Variants in PARD3B observed in about 807,000 individuals in gnomAD.
The protein encoded by PARD3B is partitioning defective 3 homolog B.
A neutral mutation model predicts 130.2 loss-of-function variants in PARD3B; 103 were observed. That is an observed-to-expected ratio of 0.79 (90% CI 0.67 to 0.93). The LOEUF is 0.93. PARD3B is among the 40% of genes least tolerant of loss of function. PARD3B has a pLI of 0.00. For missense variants in PARD3B, 1,609 were observed against 1,499.2 expected, an observed-to-expected ratio of 1.07 and a Z score of -1.21; for synonymous variants, 583 against 553.2, an observed-to-expected ratio of 1.05 and a Z score of -0.76.
chr2:205,442,977 G>T (rs1399637913), intron 20 of PARD3B, among the ~76,000 whole-genome samples: 1 of 152,132 alleles, frequency 6.6e-6, no homozygotes, highest in South Asian at 2.1e-4. Flanking sequence ...TTGGATAGCA[G>T]ATCAAAATGT....
intron 10 of PARD3B, among the ~76,000 whole-genome samples, chr2:205,150,779 C>G (rs762396082): frequency 6.6e-6 from 1 of 152,030 alleles, no homozygotes; most frequent in Non-Finnish European, 1.5e-5. Flanking sequence ...CACAAGGATA[C>G]AGTATAGTAT....
intron 2 of PARD3B, among the ~76,000 whole-genome samples, chr2:204,763,056 G>A (rs144315708): frequency 1.2e-4 from 18 of 152,166 alleles, no homozygotes; most frequent in African/African-American, 2.4e-4. Flanking sequence ...CACTGCGCCC[G>A]GCCTTGTTCG....
intron 19 of PARD3B, among the ~76,000 whole-genome samples, chr2:205,419,532 CA>C (rs2046894887): frequency 6.6e-6 from 1 of 152,044 alleles, no homozygotes; most frequent in Admixed American, 6.5e-5. Context: ...CTAGGGTGAC[CA>C]AAGGTCAGTT....
chr2:205,611,521 A>G (rs1039596455), intron 22 of PARD3B, among the ~76,000 whole-genome samples: 5 of 152,202 alleles, frequency 3.3e-5, no homozygotes, highest in African/African-American at 9.7e-5. Flanking sequence ...AATAACATAT[A>G]TCTTTGTCGT....
In PARD3B at chr2:204,651,784, T is replaced by G. The variant is rs4591325; in HGVS notation, c.121-34397T>G. On this transcript the variant is annotated intron_variant, in intron 1 of 22. Transcript: ENST00000406610. ...TCTGCCTTAACATCCAGGCATTTCCTTACATTATCTGAAATCTAGGCAGAG... is the reference window on the plus strand; with the variant it reads ...TCTGCCTTAACATCCAGGCATTTCCGTACATTATCTGAAATCTAGGCAGAG... 7.2e-5 allele frequency among the ~76,000 whole-genome samples: 11 copies of G among 152,196 alleles called. No homozygotes were observed. The East Asian group carries it at 2.1e-3, about 30-fold the overall frequency.
chr2:204,872,210 T>C (rs902219633), intron 2 of PARD3B, among the ~76,000 whole-genome samples: 4 of 152,054 alleles, frequency 2.6e-5, no homozygotes, highest in Admixed American at 2.6e-4. Flanking sequence ...ATGGCAATTG[T>C]TTTAGGACTT....
chr2:204,600,044 C>G (rs1229025403), intron 1 of PARD3B, among the ~76,000 whole-genome samples: 1 of 150,840 alleles, frequency 6.6e-6, no homozygotes, highest in African/African-American at 2.4e-5. Context: ...TTTTTTTTTG[C>G]TATTGAGCTC....
chr2:204,685,490 G>A (rs546766292), intron 1 of PARD3B, among the ~76,000 whole-genome samples: 8 of 152,224 alleles, frequency 5.3e-5, no homozygotes, highest in African/African-American at 1.7e-4. Flanking sequence ...CAGAGTAAGC[G>A]GTTTTTAAAA....
chr2:205,436,581 T>A (rs1048039214), intron 19 of PARD3B, among the ~76,000 whole-genome samples: 18 of 152,240 alleles, frequency 1.2e-4, no homozygotes, highest in African/African-American at 3.1e-4. Context: ...AAGTTTTTTT[T>A]AATTTTCTTT....
intron 21 of PARD3B, among the ~76,000 whole-genome samples, chr2:205,552,723 G>A (rs904878515): frequency 6.6e-6 from 1 of 152,042 alleles, no homozygotes; most frequent in Non-Finnish European, 1.5e-5. Flanking sequence ...CAGAAACGGT[G>A]CTTTTAAAAA....
At chr2:204,590,251 A>G (rs1032345465) in intron 1 of PARD3B, among the ~76,000 whole-genome samples, 1 of 152,136 alleles carries the variant, frequency 6.6e-6, no homozygotes, top group African/African-American at 2.4e-5. Flanking sequence ...CTCTTTTATA[A>G]GGGCACTAAT....
At chr2:204,892,002 G>A (rs566636912) in intron 2 of PARD3B, among the ~76,000 whole-genome samples, 2 of 152,178 alleles carry the variant, frequency 1.3e-5, no homozygotes, top group Non-Finnish European at 2.9e-5. Flanking sequence ...TAACACATAT[G>A]TATTGAGTGC....
chr2:205,607,835 CA>C (rs67298603), intron 22 of PARD3B, among the ~76,000 whole-genome samples: 9,444 of 84,994 alleles, frequency 0.11, 950 homozygotes, highest in African/African-American at 0.27. Context: ...CACCCATACA[CA>C]CACACACACA....
intron 18 of PARD3B, among the ~76,000 whole-genome samples, chr2:205,399,644 C>T (rs2046175584): frequency 6.6e-6 from 1 of 152,042 alleles, no homozygotes; most frequent in African/African-American, 2.4e-5. Context: ...CGTGAGCCAC[C>T]ACACCCAGCT....
chr2:205,577,822 A>G (rs768232770), intron 22 of PARD3B, among the ~76,000 whole-genome samples: 42 of 152,316 alleles, frequency 2.8e-4, no homozygotes, highest in Non-Finnish European at 1.2e-4. Flanking sequence ...CTACCAAAGT[A>G]ACTTCCTGAG....
At chr2:205,427,115 A>C (rs1298466696) in intron 19 of PARD3B, among the ~76,000 whole-genome samples, 1 of 152,180 alleles carries the variant, frequency 6.6e-6, no homozygotes. Context: ...TCGACAATGC[A>C]CTCTGTTGAT....
chr2:205,081,342 A>G (rs1701390497), intron 4 of PARD3B, among the ~76,000 whole-genome samples: 2 of 152,100 alleles, frequency 1.3e-5, no homozygotes, highest in South Asian at 4.1e-4. Flanking sequence ...ATATTTATAC[A>G]TAGTTCACTC....
At chr2:204,841,480 G>T (rs549865480) in intron 2 of PARD3B, among the ~76,000 whole-genome samples, 1 of 151,756 alleles carries the variant, frequency 6.6e-6, no homozygotes, top group African/African-American at 2.4e-5. Flanking sequence ...GTTGTGTCTT[G>T]TTGAGTTACA....
intron 2 of PARD3B, among the ~76,000 whole-genome samples, chr2:204,687,230 G>A (rs1559059968): frequency 6.6e-6 from 1 of 152,092 alleles, no homozygotes; most frequent in Admixed American, 6.6e-5. Flanking sequence ...GATCTCTTCA[G>A]ACTGTTCAAA....
Sources: allele counts gnomAD v4.1 joint callset (sites outside exome capture counted in the v4.1 genomes callset), GRCh38; gene constraint gnomAD v4.1.1; transcripts MANE v1.5; gene names NCBI Gene and HGNC (gene_info 2026-07-23, HGNC 2026-07-21).